The following CNTNAP2 variants were observed in gnomAD, a reference collection of about 807,000 sequenced individuals.
CNTNAP2 encodes contactin associated protein 2.
In CNTNAP2, 98 loss-of-function variants were observed where a neutral mutation model predicts 155.2. The observed-to-expected ratio is 0.63, with a 90% CI of 0.54 to 0.75. The LOEUF is 0.75. Among genes scored for constraint, CNTNAP2 ranks in the 30% least tolerant of loss-of-function variants. CNTNAP2 has a pLI of 0.00. For synonymous variants in CNTNAP2, 651 were observed against 631.2 expected (o/e 1.03, Z -0.47); for missense variants, 1,727 against 1,688.1 (o/e 1.02, Z -0.40).
chr7:146,595,372 C>T (rs190892139), intron 1 of CNTNAP2, among the ~76,000 whole-genome samples: 17 of 151,792 alleles, frequency 1.1e-4, no homozygotes, highest in Non-Finnish European at 2.2e-4. Context: ...AAGGAAGGTA[C>T]GTGGGAAAAA....
At chr7:148,142,105 G>GTGTGTGTA (rs1156581347) in intron 16 of CNTNAP2, among the ~76,000 whole-genome samples, 1 of 150,818 alleles carries the variant, frequency 6.6e-6, no homozygotes, top group Non-Finnish European at 1.5e-5. Flanking sequence ...GTGTGTGTGT[G>GTGTGTGTA]TGTGTGTGTG....
chr7:148,150,141 G>A (rs953037938), intron 17 of CNTNAP2, among the ~76,000 whole-genome samples: 2 of 148,360 alleles, frequency 1.3e-5, no homozygotes, highest in Non-Finnish European at 3.0e-5. Flanking sequence ...GGACGGCCAC[G>A]GTGGCTCACG....
At chr7:148,144,006 T>C (rs890206476) in intron 16 of CNTNAP2, among the ~76,000 whole-genome samples, 6 of 152,178 alleles carry the variant, frequency 3.9e-5, no homozygotes, top group Non-Finnish European at 8.8e-5. Flanking sequence ...GGGCTGTCCT[T>C]ATGCAAAGTG....
intron 8 of CNTNAP2, among the ~76,000 whole-genome samples, chr7:147,147,027 C>T (rs1012933493): frequency 2.0e-5 from 3 of 152,096 alleles, no homozygotes; most frequent in Non-Finnish European, 2.9e-5. Context: ...CTGGGTAATT[C>T]ATAAAGAAAA....
intron 1 of CNTNAP2, among the ~76,000 whole-genome samples, chr7:146,611,973 A>G (rs1245507734): frequency 6.6e-6 from 1 of 152,180 alleles, no homozygotes; most frequent in African/African-American, 2.4e-5. Context: ...CATAACATAT[A>G]AAAGGTTATC....
chr7:146,939,082 C>A (rs1356867703), intron 3 of CNTNAP2, among the ~76,000 whole-genome samples: 1 of 151,752 alleles, frequency 6.6e-6, no homozygotes, highest in Non-Finnish European at 1.5e-5. Context: ...CACTGCCAAC[C>A]CAGGAAAAAA....
At position 148,118,128 on chromosome 7, in the gene CNTNAP2, G is replaced by C; in HGVS notation, c.2394G>C (p.Trp798Cys). 1 of 1,614,028 alleles carries C rather than the reference G, an allele frequency of 6.2e-7. No homozygotes were observed. ...GTTTTCTTCCCACAGGGAATTATTG[G>C]AATGCCGCCTCTTTCCCAAACCCAT... ...PLRCQGDRNY[W>C]NAASFPNPSS... is the part of the protein sequence containing the mutation. The change falls in exon 16 of 24, where the codon TGG (tryptophan) becomes TGC (cysteine). Residue 798 changes from tryptophan to cysteine, a missense_variant. By Grantham distance (215) the Trp-to-Cys change is radical. Coordinates refer to ENST00000361727, the MANE Select transcript of CNTNAP2 (RefSeq NM_014141.6).
At chr7:147,172,610 T>C (rs966283477) in intron 8 of CNTNAP2, among the ~76,000 whole-genome samples, 1 of 152,130 alleles carries the variant, frequency 6.6e-6, no homozygotes, top group African/African-American at 2.4e-5. Flanking sequence ...GATATGCCAT[T>C]GTTCAGGTAA....
intron 1 of CNTNAP2, among the ~76,000 whole-genome samples, chr7:146,218,227 C>T (rs551673983): frequency 1.2e-4 from 19 of 152,138 alleles, no homozygotes; most frequent in Middle Eastern, 6.8e-3. Flanking sequence ...ACATTGCCAT[C>T]GGCCGGGCGC....
At chr7:147,047,966 G>A (rs1799398060) in intron 4 of CNTNAP2, among the ~76,000 whole-genome samples, 1 of 152,058 alleles carries the variant, frequency 6.6e-6, no homozygotes, top group Non-Finnish European at 1.5e-5. Flanking sequence ...TAGTAGGTTG[G>A]GTAATGGCCT....
chr7:146,818,323 A>G (rs1357608892), intron 2 of CNTNAP2, among the ~76,000 whole-genome samples: 2 of 152,160 alleles, frequency 1.3e-5, no homozygotes. Flanking sequence ...CACTTCATTA[A>G]TTTTTAACGG....
At chr7:147,357,245 T>A (rs140508958) in intron 9 of CNTNAP2, among the ~76,000 whole-genome samples, 2 of 152,216 alleles carry the variant, frequency 1.3e-5, no homozygotes, top group East Asian at 3.9e-4. Context: ...AATAACCAGA[T>A]AACTTTATTT....
chr7:147,320,734 A>G (rs1795336422), intron 9 of CNTNAP2, among the ~76,000 whole-genome samples: 1 of 152,204 alleles, frequency 6.6e-6, no homozygotes, highest in African/African-American at 2.4e-5. Context: ...GCTAGGCAGG[A>G]ATAGCAAAGA....
rs58412696 is a variant in CNTNAP2, at chr7:147,354,005, G to A, written c.1499-41604G>A. Among the ~76,000 whole-genome samples the A allele has an allele frequency of 4.8e-3, 727 of 150,708 alleles. 4 individuals carry two copies. Among genetic ancestry groups the A allele is most frequent in the African/African-American group, 0.017 (686 of 41,028 alleles). ...ATGTTTTTTTTTTTCTTGTAAATTT[G>A]TTTAAGTTCCTTGTAGATTCTGGAT... On this transcript the variant is annotated intron_variant, in intron 9 of 23. Coordinates refer to ENST00000361727, the MANE Select transcript of CNTNAP2 (RefSeq NM_014141.6).
At chr7:147,079,957 A>G (rs946675210) in intron 4 of CNTNAP2, among the ~76,000 whole-genome samples, 1 of 151,358 alleles carries the variant, frequency 6.6e-6, no homozygotes, top group African/African-American at 2.4e-5. Context: ...GTAAAAGGGC[A>G]CAAAGTTAGT....
intron 9 of CNTNAP2, among the ~76,000 whole-genome samples, chr7:147,324,298 C>A (rs2692141): frequency 0.49 from 74,686 of 152,018 alleles, 19,511 homozygotes; most frequent in East Asian, 0.73. Context: ...TCAATGAATT[C>A]ATAAGGATAA....
chr7:147,558,828 C>A (rs1026778051), intron 11 of CNTNAP2, among the ~76,000 whole-genome samples: 1 of 151,912 alleles, frequency 6.6e-6, no homozygotes, highest in Admixed American at 6.6e-5. Context: ...CTGCATCCTT[C>A]GCCTCCTGGG....
chr7:147,014,047 G>A (rs564691738), intron 3 of CNTNAP2, among the ~76,000 whole-genome samples: 1 of 152,272 alleles, frequency 6.6e-6, no homozygotes, highest in African/African-American at 2.4e-5. Flanking sequence ...TGTGGCATGA[G>A]ATCAGAGCTC....
intron 1 of CNTNAP2, among the ~76,000 whole-genome samples, chr7:146,201,000 C>A (rs932690691): frequency 6.6e-6 from 1 of 152,086 alleles, no homozygotes; most frequent in African/African-American, 2.4e-5. Flanking sequence ...CAGGAACAGA[C>A]CCTGAATTAC....
Sources: allele counts gnomAD v4.1 joint callset (sites outside exome capture counted in the v4.1 genomes callset), GRCh38; gene constraint gnomAD v4.1.1; transcripts MANE v1.5; gene names NCBI Gene and HGNC (gene_info 2026-07-23, HGNC 2026-07-21).